Variants in PLEKHG1 observed in about 807,000 individuals in gnomAD.
The protein encoded by PLEKHG1 is pleckstrin homology domain-containing family G member 1.
Under a neutral mutation model 100.8 loss-of-function variants are expected in PLEKHG1, and 44 were observed. The observed-to-expected ratio is 0.44, with a 90% CI of 0.34 to 0.56. The LOEUF is 0.56. Ranked by LOEUF, PLEKHG1 falls within the 20% of genes least tolerant of loss-of-function variation. PLEKHG1 has a pLI of 0.01. For synonymous variants in PLEKHG1, 640 were observed against 662.5 expected (o/e 0.97, Z 0.52); for missense variants, 1,545 against 1,720.9 (o/e 0.90, Z 1.81).
intron 3 of PLEKHG1, among the ~76,000 whole-genome samples, chr6:150,687,685 T>C (rs567535623): frequency 1.3e-5 from 2 of 152,264 alleles, no homozygotes; most frequent in East Asian, 3.9e-4. Context: ...AGGAAGCAAG[T>C]CTGAGCATAG....
chr6:150,760,772 C>T (rs1784112783), intron 2 of PLEKHG1, among the ~76,000 whole-genome samples: 1 of 151,942 alleles, frequency 6.6e-6, no homozygotes, highest in Non-Finnish European at 1.5e-5. Flanking sequence ...AACTGTCTAC[C>T]TCTGTCAGTT....
rs569895894 is a variant in PLEKHG1, at chr6:150,778,284, C to T, written c.513-8106C>T. Among the ~76,000 whole-genome samples, 11 of 152,306 alleles carry T rather than the reference C, an allele frequency of 7.2e-5. No individual in the cohort carries two copies. The East Asian group carries it at 1.2e-3, about 16-fold the overall frequency. The stretch of plus-strand genomic sequence containing the variant: ...CTGGAATTACAGGCGCTCACCATCA[C>T]GCCTGGCTAATTTTTGTATTTTTAG... On this transcript the variant is annotated intron_variant, in intron 3 of 15. Transcript: ENST00000358517.
chr6:150,765,433 G>A (rs534920196), intron 2 of PLEKHG1, among the ~76,000 whole-genome samples: 21 of 151,094 alleles, frequency 1.4e-4, no homozygotes, highest in Middle Eastern at 3.4e-3. Flanking sequence ...GGTGGAGGTC[G>A]TAGTGAGCCG....
chr6:150,712,793 G>T (rs939154875), intron 3 of PLEKHG1, among the ~76,000 whole-genome samples: 2 of 152,176 alleles, frequency 1.3e-5, no homozygotes. Flanking sequence ...GTCCGACTGG[G>T]CTTATTCTCT....
At chr6:150,807,839 G>A (rs1482331470) in intron 7 of PLEKHG1, among the ~76,000 whole-genome samples, 1 of 152,066 alleles carries the variant, frequency 6.6e-6, no homozygotes, top group East Asian at 1.9e-4. Context: ...CATGGTGGTG[G>A]GTGCCTATAA....
intron 12 of PLEKHG1, 103 bp downstream of exon 13, chr6:150,819,877 C>T (rs1776199454): frequency 2.7e-6 from 2 of 751,390 alleles, no homozygotes; most frequent in Non-Finnish European, 4.8e-6. Context: ...TTTCTCAGCT[C>T]ACTGCCGGTC....
At chr6:150,733,316 G>A (rs1260940381) in intron 1 of PLEKHG1, among the ~76,000 whole-genome samples, 1 of 152,090 alleles carries the variant, frequency 6.6e-6, no homozygotes, top group East Asian at 1.9e-4. Flanking sequence ...ATGCTTCTAA[G>A]TCATTCTGGG....
intron 1 of PLEKHG1, among the ~76,000 whole-genome samples, chr6:150,607,406 G>A (rs1441067413): frequency 6.6e-6 from 1 of 152,202 alleles, no homozygotes; most frequent in Non-Finnish European, 1.5e-5. Flanking sequence ...AGGAAAAGCT[G>A]TAATCTGAGG....
intron 3 of PLEKHG1, among the ~76,000 whole-genome samples, chr6:150,697,127 T>G (rs542953174): frequency 7.2e-6 from 1 of 139,116 alleles, no homozygotes; most frequent in Non-Finnish European, 1.6e-5. Context: ...GAAGAAGAAG[T>G]ACTTTTAAAT....
At position 150,808,870 on chromosome 6, in the gene PLEKHG1, T is replaced by A. The variant is rs190433350; in HGVS notation, c.913-235T>A. ...GCCACAGCATGGCATGATTAAGGAA[T>A]GGAAATAAGTAATTAGCAGCTTGTC... On this transcript the variant is annotated intron_variant, in intron 7 of 15. Coordinates refer to ENST00000358517, the Ensembl canonical transcript of PLEKHG1. 3.3e-5 allele frequency among the ~76,000 whole-genome samples: 5 copies of A among 152,294 alleles called. No homozygotes were observed. The East Asian group carries it at 9.7e-4, about 29-fold the overall frequency.
chr6:150,669,253 G>A (rs1282154870), intron 3 of PLEKHG1, among the ~76,000 whole-genome samples: 5 of 152,194 alleles, frequency 3.3e-5, no homozygotes, highest in Admixed American at 3.3e-4. Context: ...GCTGGGATGT[G>A]TTTTTGCTGT....
At chr6:150,716,947 G>C (rs2128607177), upstream of PLEKHG1, among the ~76,000 whole-genome samples, 1 of 152,238 alleles carries the variant, frequency 6.6e-6, no homozygotes, top group South Asian at 2.1e-4. Context: ...AAACTCCTGG[G>C]CTCAAGCCAT....
intron 3 of PLEKHG1, among the ~76,000 whole-genome samples, chr6:150,682,551 G>C (rs1779971119): frequency 6.6e-6 from 1 of 152,056 alleles, no homozygotes. Context: ...GGCAGAGGGA[G>C]ACTAAACTCT....
At chr6:150,805,427 G>T (rs1175467413) in intron 7 of PLEKHG1, among the ~76,000 whole-genome samples, 1 of 152,122 alleles carries the variant, frequency 6.6e-6, no homozygotes, top group Non-Finnish European at 1.5e-5. Flanking sequence ...GAGGTGGTGC[G>T]TGGGTGGTCT....
intron 3 of PLEKHG1, among the ~76,000 whole-genome samples, chr6:150,668,132 G>C (rs1258898005): frequency 2.6e-5 from 4 of 152,136 alleles, no homozygotes; most frequent in Non-Finnish European, 5.9e-5. Flanking sequence ...ATTAGTGAAG[G>C]TTTCATGTGC....
chr6:150,734,109 T>TGAAACACA lies in PLEKHG1; in HGVS notation c.411+17_411+18insGAAACACA. ...ATCGTAGAGGTAAGACCGACTTCGC[T>TGAAACACA]TTTAATGTTTGCCATGCAGGAGAAA... On this transcript the variant is annotated intron_variant, in intron 2 of 15. Coordinates refer to ENST00000358517, the Ensembl canonical transcript of PLEKHG1. 6.3e-7 allele frequency: 1 copy of TGAAACACA among 1,586,746 alleles called. No homozygotes were observed. Among genetic ancestry groups the TGAAACACA allele is most frequent in the South Asian group, 1.1e-5 (1 of 87,766 alleles).
At chr6:150,738,560 A>G (rs1436060848) in intron 2 of PLEKHG1, among the ~76,000 whole-genome samples, 1 of 152,176 alleles carries the variant, frequency 6.6e-6, no homozygotes, top group Non-Finnish European at 1.5e-5. Flanking sequence ...ATAATCTCAC[A>G]TATTTAGGTA....
chr6:150,613,045 C>T (rs911139119), intron 1 of PLEKHG1, among the ~76,000 whole-genome samples: 3 of 152,178 alleles, frequency 2.0e-5, no homozygotes, highest in African/African-American at 7.2e-5. Context: ...CCCTGCTCTG[C>T]TGTCTTGCTC....
rs150459153 is a variant in PLEKHG1, at chr6:150,834,981, G to A, written c.3094+2776G>A. Among the ~76,000 whole-genome samples the A allele has an allele frequency of 3.6e-3, 545 of 152,098 alleles. 1 individual carries two copies. The highest frequency in any genetic ancestry group is 5.7e-3 in the Non-Finnish European group (388 of 68,014). On this transcript the variant is annotated intron_variant, in intron 15 of 15. Transcript: ENST00000358517. ...TTTCTTGTTTATCTGGGCACAGGAC[G>A]TCGTAATCGAATGGACCGATTCTCC... is the stretch of plus-strand genomic sequence containing the variant.
Sources: allele counts gnomAD v4.1 joint callset (sites outside exome capture counted in the v4.1 genomes callset), GRCh38; gene constraint gnomAD v4.1.1; transcripts MANE v1.5; gene names NCBI Gene and HGNC (gene_info 2026-07-23, HGNC 2026-07-21).